Variants in ROBO2 observed in about 807,000 individuals in gnomAD.
The protein encoded by ROBO2 is roundabout guidance receptor 2.
Under a neutral mutation model 160.8 loss-of-function variants are expected in ROBO2, and 53 were observed. That is an observed-to-expected ratio of 0.33 (90% confidence interval 0.26 to 0.41). The LOEUF (loss-of-function observed/expected upper bound fraction) is 0.41, where lower values mean the gene tolerates loss of function less well. Among genes scored for constraint, ROBO2 ranks in the 10% least tolerant of loss-of-function variants. The probability of loss-of-function intolerance (pLI) is 1.00; values close to 1 mark genes in which losing one functional copy is unlikely to be tolerated. For synonymous variants in ROBO2, 664 were observed against 611.7 expected (o/e 1.09, Z -1.26); for missense variants, 1,577 against 1,722.4 (o/e 0.92, Z 1.49).
intron 2 of ROBO2, among the ~76,000 whole-genome samples, chr3:76,299,489 T>C (rs190573795): frequency 5.9e-4 from 90 of 152,120 alleles, no homozygotes; most frequent in African/African-American, 2.2e-3. Flanking sequence ...AAAAGATACA[T>C]TGGATGTGGG....
intron 2 of ROBO2, among the ~76,000 whole-genome samples, chr3:76,549,071 T>C (rs903571974): frequency 1.3e-5 from 2 of 152,310 alleles, no homozygotes; most frequent in African/African-American, 4.8e-5. Context: ...ATGTTTATGA[T>C]ACTGATCACA....
chr3:77,106,476 A>C (rs192175581), intron 2 of ROBO2, among the ~76,000 whole-genome samples: 3,841 of 152,240 alleles, frequency 0.025, 69 homozygotes, highest in Admixed American at 0.037. Flanking sequence ...CTTTTCTCCC[A>C]GGATTTGTGT....
chr3:76,131,906 A>G (rs994201774), intron 2 of ROBO2, among the ~76,000 whole-genome samples: 7 of 152,128 alleles, frequency 4.6e-5, no homozygotes, highest in Admixed American at 2.6e-4. Context: ...GATTAGAGTG[A>G]CTCAAATTAG....
intron 2 of ROBO2, among the ~76,000 whole-genome samples, chr3:76,086,042 A>T (rs1277167752): frequency 6.6e-6 from 1 of 152,192 alleles, no homozygotes; most frequent in African/African-American, 2.4e-5. Flanking sequence ...AACTGACATG[A>T]AGGAAGGAAA....
chr3:76,584,035 A>G (rs962239887), intron 2 of ROBO2, among the ~76,000 whole-genome samples: 1 of 152,130 alleles, frequency 6.6e-6, no homozygotes, highest in African/African-American at 2.4e-5. Flanking sequence ...TGCCTTCTTC[A>G]AACTCTCCTC....
intron 2 of ROBO2, among the ~76,000 whole-genome samples, chr3:76,958,857 G>A (rs1421654962): frequency 1.3e-5 from 2 of 152,144 alleles, no homozygotes; most frequent in African/African-American, 4.8e-5. Context: ...AATAGCTGTG[G>A]ATAAGATGCT....
intron 2 of ROBO2, among the ~76,000 whole-genome samples, chr3:75,947,412 A>G (rs1014954345): frequency 1.3e-5 from 2 of 152,212 alleles, no homozygotes; most frequent in Admixed American, 1.3e-4. Context: ...TGTATGGCTC[A>G]TGAGTTATAA....
chr3:76,161,445 G>C (rs1307593004), intron 2 of ROBO2, among the ~76,000 whole-genome samples: 1 of 152,072 alleles, frequency 6.6e-6, no homozygotes, highest in Non-Finnish European at 1.5e-5. Context: ...AAGTAAGCTA[G>C]ACTGACAGTA....
At chr3:77,598,654 C>A (rs544338782) in intron 19 of ROBO2, among the ~76,000 whole-genome samples, 2 of 151,852 alleles carry the variant, frequency 1.3e-5, no homozygotes, top group Non-Finnish European at 2.9e-5. Context: ...AGCCAACACA[C>A]CCCACTTAGG....
chr3:77,395,508 T>C (rs1429825736), intron 2 of ROBO2, among the ~76,000 whole-genome samples: 2 of 152,170 alleles, frequency 1.3e-5, no homozygotes, highest in South Asian at 2.1e-4. Flanking sequence ...ATTTTATTGA[T>C]AGCATTTTAA....
In ROBO2 at chr3:76,654,913, G is replaced by GTGTGTA. The variant is rs536883164; in HGVS notation, c.110-443100_110-443099insGTGTAT. Among the ~76,000 whole-genome samples, 103 of 74,164 alleles carry GTGTGTA rather than the reference G, an allele frequency of 1.4e-3. 2 individuals carry two copies. Among genetic ancestry groups the GTGTGTA allele is most frequent in the South Asian group, 0.011 (23 of 2,140 alleles). The allele number at this position is 74,164 out of a possible 152,430, so 48.7% of individuals were successfully genotyped here. A position where few individuals can be genotyped will look rare whatever the true frequency, so the allele number is the denominator to read the frequency against. On this transcript the variant is annotated intron_variant, in intron 2 of 26. Coordinates refer to the ROBO2 transcript ENST00000487694. ...TATGCATGTGTGTACATATGTGTGTGTATATATATATATATTTATATATAT... is the reference window on the plus strand; with the variant it reads ...TATGCATGTGTGTACATATGTGTGTGTGTGTATATATATATATATATTTATATATAT...
chr3:77,647,876 C>T (rs1216542824), exon 26 of ROBO2: 2 of 152,108 alleles, frequency 1.3e-5, no homozygotes, highest in Non-Finnish European at 2.9e-5. Flanking sequence ...TTTGTCACGT[C>T]GTTATAACAA....
At chr3:76,926,881 T>C (rs2077023400) in intron 2 of ROBO2, among the ~76,000 whole-genome samples, 1 of 152,060 alleles carries the variant, frequency 6.6e-6, no homozygotes, top group South Asian at 2.1e-4. Context: ...ATTTAAAAAC[T>C]GAAGAAGAGG....
At chr3:76,188,451 G>T (rs1701862467) in intron 2 of ROBO2, among the ~76,000 whole-genome samples, 1 of 152,068 alleles carries the variant, frequency 6.6e-6, no homozygotes, top group Non-Finnish European at 1.5e-5. Context: ...AACAAGGATT[G>T]CCTGCAAACA....
chr3:77,032,096 A>G (rs2063359975), intron 2 of ROBO2, among the ~76,000 whole-genome samples: 1 of 152,164 alleles, frequency 6.6e-6, no homozygotes, highest in South Asian at 2.1e-4. Context: ...CAAAGGCCCT[A>G]CCTTCTAATA....
At chr3:77,595,761 T>G (rs112910404) in intron 18 of ROBO2, among the ~76,000 whole-genome samples, 3,492 of 152,262 alleles carry the variant, frequency 0.023, 168 homozygotes, top group African/African-American at 0.08. Context: ...AAAAAGAGAT[T>G]AAGTCTAATG....
chr3:76,655,841 T>C (rs914150028), intron 2 of ROBO2, among the ~76,000 whole-genome samples: 1 of 151,734 alleles, frequency 6.6e-6, no homozygotes, highest in Non-Finnish European at 1.5e-5. Flanking sequence ...GAGATTATGA[T>C]TGATCCAATA....
chr3:77,376,835 A>G (rs929736646), intron 2 of ROBO2, among the ~76,000 whole-genome samples: 3 of 152,202 alleles, frequency 2.0e-5, no homozygotes, highest in African/African-American at 7.2e-5. Context: ...ATATCCAATG[A>G]CCACCCACTT....
rs535321423 is a variant in ROBO2 at position 77,473,265 on chromosome 3, T to C, written c.389-4149T>C. The stretch of plus-strand genomic sequence containing the variant: ...GTCGGCACGATGTTGCCTGCTTTTT[T>C]ACTGCACCTGTGGCGGAAGAAAAAA... On this transcript the variant is annotated intron_variant, in intron 2 of 25. Coordinates refer to ENST00000461745, the Ensembl canonical transcript of ROBO2. 3.2e-4 allele frequency among the ~76,000 whole-genome samples: 48 copies of C among 151,936 alleles called. 1 individual carries two copies. Among genetic ancestry groups the C allele is most frequent in the Admixed American group, 1.1e-3 (16 of 15,238 alleles).
Sources: gnomAD v4.1 joint callset for allele counts (sites outside exome capture counted in the v4.1 genomes callset) on GRCh38, gnomAD v4.1.1 for gene constraint, MANE v1.5 for transcripts, NCBI Gene and HGNC (gene_info 2026-07-23, HGNC 2026-07-21) for gene names.